The following LBP variants were observed in gnomAD, a reference collection of about 807,000 sequenced individuals.
LBP encodes lipopolysaccharide-binding protein.
A neutral mutation model predicts 56.6 loss-of-function variants in LBP; 53 were observed. The observed-to-expected ratio is 0.94, with a 90% CI of 0.75 to 1.18. LBP has a LOEUF of 1.18. Ranked by LOEUF, LBP falls within the 50% of genes most tolerant of loss-of-function variation. The probability of loss-of-function intolerance (pLI) is 0.00; values close to 1 mark genes in which losing one functional copy is unlikely to be tolerated. For synonymous variants in LBP, 227 were observed against 247.5 expected, an observed-to-expected ratio of 0.92 and a Z score of 0.78; for missense variants, 601 against 598.3, an observed-to-expected ratio of 1.00 and a Z score of -0.05.
intron 2 of LBP, 92 bp downstream of exon 2, chr20:38,349,754 G>T (rs2076814118): frequency 1.1e-6 from 1 of 903,676 alleles, no homozygotes; most frequent in African/African-American, 1.7e-5. Context: ...CTCAGGATTG[G>T]GCTGTGGGGG....
chr20:38,373,228 G>T, intron 13 of LBP, 93 bp downstream of exon 13: 1 of 1,084,504 alleles, frequency 9.2e-7, no homozygotes, highest in Non-Finnish European at 1.4e-6. Flanking sequence ...TCTCCTGGGG[G>T]CTGTATGACC....
intron 6 of LBP, among the ~76,000 whole-genome samples, chr20:38,361,912 G>T (rs1322712349): frequency 6.6e-6 from 1 of 151,990 alleles, no homozygotes; most frequent in Non-Finnish European, 1.5e-5. Context: ...TACCAGCAAA[G>T]ATTAGTTTTG....
chr20:38,375,560 G>A (rs576940655), intron 14 of LBP, among the ~76,000 whole-genome samples: 3 of 151,892 alleles, frequency 2.0e-5, no homozygotes, highest in South Asian at 2.1e-4. Context: ...CAGCCTGGGC[G>A]ACAGAGCAAG....
Position 38,350,896 on chromosome 20 carries a change from T to C in LBP, c.325T>C (p.Ser109Pro). The change falls in exon 3 of 15, where the codon TCC becomes CCC. Residue 109 changes from serine to proline, a missense_variant. By Grantham distance (74) the Ser-to-Pro change is moderately conservative (BLOSUM62 -1). Coordinates refer to ENST00000217407, the MANE Select transcript of LBP (RefSeq NM_004139.5). ...QGLSLSISDS[S>P]IRVQGRWKVR... is the part of the protein sequence containing the mutation. Reference sequence around the variant, plus strand: ...CCTGAGTCTCAGCATCTCCGACTCCTCCATCCGGGTCCAGGGCAGGTGGAA... The same window carrying C: ...CCTGAGTCTCAGCATCTCCGACTCCCCCATCCGGGTCCAGGGCAGGTGGAA... 1 of 1,614,042 alleles carries C rather than the reference T, an allele frequency of 6.2e-7. No individual in the cohort carries two copies. The highest frequency in any genetic ancestry group is 8.5e-7 in the Non-Finnish European group (1 of 1,179,954).
chr20:38,360,282 A>T (rs563047534), intron 5 of LBP, among the ~76,000 whole-genome samples: 2 of 151,870 alleles, frequency 1.3e-5, no homozygotes, highest in African/African-American at 2.4e-5. Context: ...AAACAAAAAA[A>T]CTATCTACAT....
chr20:38,359,167 CTGTT>C (rs2076850958), intron 5 of LBP, among the ~76,000 whole-genome samples: 1 of 152,108 alleles, frequency 6.6e-6, no homozygotes, highest in Non-Finnish European at 1.5e-5. Context: ...TTTCTGTTGT[CTGTT>C]CCAAATTTAA....
chr20:38,365,790 T>C (rs891220762), intron 8 of LBP, among the ~76,000 whole-genome samples: 1 of 149,994 alleles, frequency 6.7e-6, no homozygotes, highest in Non-Finnish European at 1.5e-5. Flanking sequence ...GATAAATGCA[T>C]ATATTTTCAG....
In LBP at chr20:38,347,791, A is replaced by G. The variant is rs1454413104; in HGVS notation, c.124+1151A>G. Among the ~76,000 whole-genome samples, 6 of 152,284 alleles carry G rather than the reference A, an allele frequency of 3.9e-5. No individual in the cohort carries two copies. In the South Asian group the frequency reaches 8.3e-4, roughly 21 times the overall value. ...GACATACAGGCTCAGGGAGGCAGAC[A>G]TTGGCAGCTGGGAGTCAACTGTCAC... On this transcript the variant is annotated intron_variant, in intron 1 of 14. Transcript: ENST00000217407.
chr20:38,364,735 T>G lies in LBP; in HGVS notation c.904T>G (p.Ser302Ala). The change falls in exon 8 of 15, where the codon TCC becomes GCC. Residue 302 changes from serine (S) to alanine (A), a missense_variant. Ser to Ala is a moderately conservative substitution (Grantham distance 99). Coordinates refer to ENST00000217407, the MANE Select transcript of LBP (RefSeq NM_004139.5). Reference protein sequence around the residue: ...VYHEEGYLNFSITDDMIPPDS... With the variant: ...VYHEEGYLNFAITDDMIPPDS... ...TCATGAGGAAGGATATCTGAACTTCTCCATCACAGATGACATGGTGAGGAT... is the reference window on the plus strand; with the variant it reads ...TCATGAGGAAGGATATCTGAACTTCGCCATCACAGATGACATGGTGAGGAT... 6.2e-7 allele frequency: 1 copy of G among 1,611,386 alleles called. No individual in the cohort carries two copies. The highest frequency in any genetic ancestry group is 2.2e-5 in the East Asian group (1 of 44,866).
chr20:38,361,993 C>T (rs1406143124), intron 6 of LBP, among the ~76,000 whole-genome samples: 1 of 150,686 alleles, frequency 6.6e-6, no homozygotes, highest in Admixed American at 6.6e-5. Context: ...TTTCTTTGTT[C>T]AACTTTAAAA....
intron 1 of LBP, among the ~76,000 whole-genome samples, chr20:38,349,121 C>T (rs11536939): frequency 0.043 from 6,620 of 152,288 alleles, 266 homozygotes; most frequent in Middle Eastern, 0.15. Flanking sequence ...TGCTATTTGA[C>T]AGATGAACAA....
chr20:38,373,854 T>C, intron 13 of LBP, 83 bp from the exon 14 acceptor site: 1 of 1,187,756 alleles, frequency 8.4e-7, no homozygotes, highest in Non-Finnish European at 1.3e-6. Flanking sequence ...ATATAGAGTT[T>C]GCAGAGAACA....
intron 3 of LBP, among the ~76,000 whole-genome samples, chr20:38,353,354 C>T (rs974045979): frequency 3.3e-5 from 5 of 152,152 alleles, no homozygotes; most frequent in Admixed American, 6.6e-5. Flanking sequence ...TCCAGACAAC[C>T]ACCACTGGGG....
chr20:38,348,802 T>A (rs150866701), intron 1 of LBP, among the ~76,000 whole-genome samples: 3 of 133,470 alleles, frequency 2.2e-5, no homozygotes, highest in Admixed American at 7.2e-5. Flanking sequence ...TGTTTTGTTT[T>A]GTTTTGTTTG....
chr20:38,365,409 G>A (rs2076876971), intron 8 of LBP, among the ~76,000 whole-genome samples: 1 of 151,706 alleles, frequency 6.6e-6, no homozygotes. Flanking sequence ...ATATTTTAGT[G>A]AATGAGGCCG....
At chr20:38,365,708 AAAAAAAAAAATATATATATAT>A (rs1458966974) in intron 8 of LBP, among the ~76,000 whole-genome samples, 6 of 66,362 alleles carry the variant, frequency 9.0e-5, no homozygotes, top group East Asian at 3.3e-4. Flanking sequence ...AAAAAAAAAA[AAAAAAAAAAATATATATATAT>A]ATATATATAT....
At chr20:38,353,455 G>A (rs2076827411) in intron 3 of LBP, among the ~76,000 whole-genome samples, 1 of 148,554 alleles carries the variant, frequency 6.7e-6, no homozygotes, top group African/African-American at 2.5e-5. Context: ...ACCTGTCGCT[G>A]CTAGCGGACA....
chr20:38,346,730 C>T (rs553976874), intron 1 of LBP, 90 bp downstream of exon 1: 25 of 1,547,272 alleles, frequency 1.6e-5, no homozygotes, highest in Middle Eastern at 1.7e-4. Context: ...GGACACAGAC[C>T]GGACCCTCTC....
At chr20:38,349,319 C>T (rs753259735) in intron 1 of LBP, among the ~76,000 whole-genome samples, 2 of 152,178 alleles carry the variant, frequency 1.3e-5, no homozygotes, top group Admixed American at 6.5e-5. Flanking sequence ...ATTCCATTTC[C>T]TCATCAGTAA....
Sources: allele counts gnomAD v4.1 joint callset (sites outside exome capture counted in the v4.1 genomes callset), GRCh38; gene constraint gnomAD v4.1.1; transcripts MANE v1.5; gene names NCBI Gene and HGNC (gene_info 2026-07-23, HGNC 2026-07-21).